The following CDH4 variants were observed in gnomAD, a reference collection of about 807,000 sequenced individuals.
CDH4 encodes the protein cadherin 4.
In CDH4, 33 loss-of-function variants were observed where a neutral mutation model predicts 86.0. That is an observed-to-expected ratio of 0.38 (90% CI 0.29 to 0.51). The LOEUF (loss-of-function observed/expected upper bound fraction) is 0.51. Ranked by LOEUF, CDH4 falls within the 20% of genes least tolerant of loss-of-function variation. The probability of loss-of-function intolerance (pLI) is 0.86; values close to 1 mark genes in which losing one functional copy is unlikely to be tolerated. For synonymous variants in CDH4, 555 were observed against 549.4 expected (o/e 1.01, Z -0.14); for missense variants, 1,114 against 1,307.4 (o/e 0.85, Z 2.28).
At chr20:61,930,548 C>G (rs926301655) in intron 13 of CDH4, among the ~76,000 whole-genome samples, 1 of 152,170 alleles carries the variant, frequency 6.6e-6, no homozygotes, top group African/African-American at 2.4e-5. Context: ...CCAGTTCACA[C>G]CCAAACCACA....
At position 61,284,033 on chromosome 20, in the gene CDH4, G is replaced by A. The variant is rs73611512; in HGVS notation, c.169+29096G>A. Among the ~76,000 whole-genome samples, 625 of 152,136 alleles carry A rather than the reference G, an allele frequency of 4.1e-3. 12 individuals are homozygous for A. Among genetic ancestry groups the A allele is most frequent in the East Asian group, 0.018 (92 of 5,172 alleles). ...AAAATCTGCTTAGCTTTGGCCGGGC[G>A]CGGTGGCTCACACCTGTAATCCCAG... On this transcript the variant is annotated intron_variant, in intron 2 of 15. Transcript: ENST00000614565.
intron 2 of CDH4, among the ~76,000 whole-genome samples, chr20:61,527,741 G>A (rs753943539): frequency 2.8e-4 from 42 of 151,828 alleles, no homozygotes; most frequent in Non-Finnish European, 4.9e-4. Context: ...AGTGAGTGAG[G>A]GCCTTGTGGA....
At chr20:61,882,793 C>T (rs988933400) in intron 7 of CDH4, among the ~76,000 whole-genome samples, 42 of 152,314 alleles carry the variant, frequency 2.8e-4, no homozygotes, top group Middle Eastern at 3.4e-3. Flanking sequence ...GAGGGTTTCC[C>T]GGCACCCCAG....
At chr20:61,580,991 A>G (rs2086423895) in intron 2 of CDH4, among the ~76,000 whole-genome samples, 1 of 152,234 alleles carries the variant, frequency 6.6e-6, no homozygotes, top group Non-Finnish European at 1.5e-5. Context: ...TCCAGACCTC[A>G]TGAGCATTAG....
intron 2 of CDH4, among the ~76,000 whole-genome samples, chr20:61,639,972 T>C (rs951953477): frequency 6.6e-6 from 1 of 152,324 alleles, no homozygotes; most frequent in East Asian, 1.9e-4. Context: ...CTGTTCAGTT[T>C]TGAAGTAATT....
chr20:61,521,752 C>T (rs1259469089), intron 2 of CDH4, among the ~76,000 whole-genome samples: 1 of 151,442 alleles, frequency 6.6e-6, no homozygotes, highest in African/African-American at 2.5e-5. Flanking sequence ...CCTGGAAGAG[C>T]CTCTCAGGAT....
chr20:61,882,535 G>T (rs1984328394), intron 7 of CDH4, among the ~76,000 whole-genome samples: 1 of 152,208 alleles, frequency 6.6e-6, no homozygotes, highest in South Asian at 2.1e-4. Context: ...GGCACCAGGA[G>T]GCCTGGGCTA....
chr20:61,383,199 TTATATATGAATATATATGAATATATTA>T (rs1276046874), intron 2 of CDH4, among the ~76,000 whole-genome samples: 4 of 73,454 alleles, frequency 5.4e-5, no homozygotes, highest in Non-Finnish European at 7.7e-5. Context: ...ATGAATATAT[TTATATATGAATATATATGAATATATTA>T]TATATATGAA....
At chr20:61,443,251 G>A (rs140222194) in intron 2 of CDH4, among the ~76,000 whole-genome samples, 1 of 152,350 alleles carries the variant, frequency 6.6e-6, no homozygotes, top group East Asian at 1.9e-4. Context: ...AATTGGTGCA[G>A]TAAATATTCC....
chr20:61,344,873 T>C (rs1051422426), intron 2 of CDH4, among the ~76,000 whole-genome samples: 7 of 152,210 alleles, frequency 4.6e-5, no homozygotes, highest in Non-Finnish European at 8.8e-5. Context: ...TCAGCAGAAT[T>C]ATAGAACACT....
At chr20:61,771,886 C>T (rs556413887) in intron 3 of CDH4, among the ~76,000 whole-genome samples, 2 of 152,244 alleles carry the variant, frequency 1.3e-5, no homozygotes, top group South Asian at 2.1e-4. Context: ...GACTTTGGTC[C>T]ACCTAGAGTT....
chr20:61,339,740 C>T (rs1447764701), intron 2 of CDH4, among the ~76,000 whole-genome samples: 1 of 152,118 alleles, frequency 6.6e-6, no homozygotes. Flanking sequence ...GTGCCATGGA[C>T]ACCTAGATAT....
At chr20:61,329,006 C>T (rs974700638) in intron 2 of CDH4, among the ~76,000 whole-genome samples, 4 of 152,170 alleles carry the variant, frequency 2.6e-5, no homozygotes, top group Non-Finnish European at 4.4e-5. Flanking sequence ...CTCCCTTAAC[C>T]GTGCTCGGAA....
chr20:61,805,354 C>T (rs1309320971), intron 4 of CDH4, among the ~76,000 whole-genome samples: 1 of 152,232 alleles, frequency 6.6e-6, no homozygotes, highest in African/African-American at 2.4e-5. Flanking sequence ...TGAGAAGTGG[C>T]CAGGATGGCC....
At chr20:61,433,507 TA>T (rs11204456) in intron 2 of CDH4, among the ~76,000 whole-genome samples, 77,791 of 148,916 alleles carry the variant, frequency 0.52, 20,120 homozygotes, top group Admixed American at 0.58. Flanking sequence ...ACTTGTCATG[TA>T]AAAAAAAAAA....
chr20:61,804,480 G>A (rs999451517), intron 4 of CDH4, among the ~76,000 whole-genome samples: 1 of 152,196 alleles, frequency 6.6e-6, no homozygotes, highest in Non-Finnish European at 1.5e-5. Flanking sequence ...CCACACCCGG[G>A]GGGCAGCTCT....
chr20:61,649,653 A>AC (rs1181353214), intron 2 of CDH4, among the ~76,000 whole-genome samples: 1 of 152,172 alleles, frequency 6.6e-6, no homozygotes, highest in Non-Finnish European at 1.5e-5. Context: ...GCGTGGCTGA[A>AC]CGGGGGCTCG....
At chr20:61,765,179 C>T (rs2088683638) in intron 3 of CDH4, among the ~76,000 whole-genome samples, 1 of 152,222 alleles carries the variant, frequency 6.6e-6, no homozygotes, top group Admixed American at 6.5e-5. Context: ...AAACTGGGCC[C>T]CTAGACAAGT....
At chr20:61,614,837 G>A (rs2086712867) in intron 2 of CDH4, among the ~76,000 whole-genome samples, 1 of 152,154 alleles carries the variant, frequency 6.6e-6, no homozygotes, top group South Asian at 2.1e-4. Flanking sequence ...AGGGTCACCT[G>A]CTCAGACCCA....
Sources: allele counts gnomAD v4.1 joint callset (sites outside exome capture counted in the v4.1 genomes callset), GRCh38; gene constraint gnomAD v4.1.1; transcripts MANE v1.5; gene names NCBI Gene and HGNC (gene_info 2026-07-23, HGNC 2026-07-21).